YJU2B: variants seen among roughly 807,000 people sequenced by gnomAD.
YJU2B encodes YJU2 splicing factor homolog B.
A neutral mutation model predicts 38.0 loss-of-function variants in YJU2B; 18 were observed. The ratio of observed to expected loss-of-function variants is 0.47; its 90% CI spans 0.33 to 0.70. The LOEUF is 0.70. Ranked by LOEUF, YJU2B falls within the 30% of genes least tolerant of loss-of-function variation. YJU2B has a pLI of 0.02. For synonymous variants in YJU2B, 246 were observed against 225.4 expected (o/e 1.09, Z -0.82); for missense variants, 538 against 556.3 (o/e 0.97, Z 0.33).
Position 13,759,219 on chromosome 19 carries a change from A to G in YJU2B, c.520A>G (p.Ser174Gly), listed in dbSNP as rs754452124. ...PTLSHIQEAQSAWKDDFALNS... is the reference protein window; with the variant it reads ...PTLSHIQEAQGAWKDDFALNS... ...ACTGAGCCACATCCAGGAGGCCCAG[A>G]GCGCCTGGAAGGACGACTTCGCCCT... Residue 174 changes from serine (S) to glycine (G), a missense_variant, in exon 8 of 10, where the codon AGC becomes GGC. Coordinates refer to ENST00000221554, the MANE Select transcript of YJU2B (RefSeq NM_030818.4). The G allele has an allele frequency of 1.9e-6, 3 of 1,613,344 alleles. No individual in the cohort carries two copies. The highest frequency in any genetic ancestry group is 2.5e-6 in the Non-Finnish European group (3 of 1,179,760).
Position 13,751,723 on chromosome 19 carries a change from C to A in YJU2B, c.-86C>A. 4 of 1,450,404 alleles carry A rather than the reference C, an allele frequency of 2.8e-6. No individual in the cohort carries two copies. The highest frequency in any genetic ancestry group is 3.9e-6 in the Non-Finnish European group (4 of 1,033,524). 89.8% of individuals were successfully genotyped at this position (1,450,404 alleles called of 1,614,324 possible). A position where few individuals can be genotyped will look rare whatever the true frequency, so the allele number is the denominator to read the frequency against. ...CCTGTGGACCCTCTGCCAGGCTCCA[C>A]AAGAGGTCAGGACAGTGCAGTGTGT... On this transcript the variant is annotated 5_prime_UTR_variant, in exon 2 of 10. Transcript: ENST00000221554.
chr19:13,736,261 T>G (rs1393449544), intron 2 of YJU2B, among the ~76,000 whole-genome samples: 1,454 of 138,982 alleles, frequency 0.01, 29 homozygotes, highest in African/African-American at 0.037. Flanking sequence ...TTTCTTTTTT[T>G]TTTTTTTTTT....
intron 4 of YJU2B, 101 bp from the exon 5 acceptor site, chr19:13,757,317 C>A: frequency 1.1e-6 from 1 of 897,850 alleles, no homozygotes; most frequent in Non-Finnish European, 1.8e-6. Flanking sequence ...CAGTCTAATA[C>A]CCCACCCCTC....
Position 13,733,355 on chromosome 19 carries a change from C to G in YJU2B, c.-202+1070C>G, listed in dbSNP as rs547911351. Reference sequence around the variant, plus strand: ...CCTTGGCACTACTGGCATTCGGGGCCGGATCATTCTTTGTAGTGCAAAGGC... The same window carrying G: ...CCTTGGCACTACTGGCATTCGGGGCGGGATCATTCTTTGTAGTGCAAAGGC... On this transcript the variant is annotated intron_variant, in intron 2 of 10. Transcript: ENST00000586600. Among the ~76,000 whole-genome samples, 6 of 152,172 alleles carry G rather than the reference C, an allele frequency of 3.9e-5. No individual in the cohort carries two copies. In the East Asian group the frequency reaches 1.2e-3, roughly 29 times the overall value.
chr19:13,751,964 G>A (rs759523898), intron 2 of YJU2B, among the ~76,000 whole-genome samples, 153 bp downstream of exon 2: 14 of 152,188 alleles, frequency 9.2e-5, no homozygotes, highest in Admixed American at 6.6e-4. Flanking sequence ...GTGGCTTTGC[G>A]CTAACATCAC....
chr19:13,763,049 C>CCGACT lies in YJU2B; in HGVS notation c.1175_1179dup (p.Glu394ThrfsTer17), dbSNP rs767015262. 6 of 1,563,186 alleles carry CCGACT rather than the reference C, an allele frequency of 3.8e-6. No homozygotes were observed. Among genetic ancestry groups the CCGACT allele is most frequent in the Non-Finnish European group, 5.2e-6 (6 of 1,153,750 alleles). Reference sequence around the variant, plus strand: ...GGCTCCTCCCTCGTGGCGGACTACTCCGACTCGGAGAGTGAGTGAGCGATC... The same window carrying CCGACT: ...GGCTCCTCCCTCGTGGCGGACTACTCCGACTCGACTCGGAGAGTGAGTGAGCGATC... On this transcript the variant is annotated frameshift_variant, in exon 10 of 10. Coordinates refer to ENST00000221554, the MANE Select transcript of YJU2B (RefSeq NM_030818.4). LOFTEE classifies it high-confidence loss of function.
At chr19:13,742,029 C>G (rs572251) in intron 2 of YJU2B, among the ~76,000 whole-genome samples, 99,692 of 152,084 alleles carry the variant, frequency 0.66, 33,667 homozygotes, top group African/African-American at 0.82. Context: ...CTACTCCTCT[C>G]TGTGCAGCTT....
At chr19:13,744,629 C>G (rs1332352709), upstream of YJU2B, among the ~76,000 whole-genome samples, 1 of 152,126 alleles carries the variant, frequency 6.6e-6, no homozygotes, top group Non-Finnish European at 1.5e-5. Flanking sequence ...AAGGGGATCC[C>G]TGCTCTGTCT....
At position 13,754,462 on chromosome 19, in the gene YJU2B, T is replaced by TTC. The variant is rs1568290524; in HGVS notation, c.57+120_57+121insTC. ...CCCCAAGGTCTTTTTGTCTTCTGCA[T>TTC]GTCACCTGAGTCTCGAGGCTGTCTT... On this transcript the variant is annotated intron_variant, in intron 3 of 9. Coordinates refer to ENST00000221554, the MANE Select transcript of YJU2B (RefSeq NM_030818.4). 8 of 803,492 alleles carry TTC rather than the reference T, an allele frequency of 1.0e-5. No individual in the cohort carries two copies. The African/African-American group carries it at 1.4e-4, about 14-fold the overall frequency. 49.8% of individuals were successfully genotyped at this position (803,492 alleles called of 1,614,324 possible).
upstream of YJU2B, among the ~76,000 whole-genome samples, chr19:13,746,630 G>T (rs569309486): frequency 6.6e-6 from 1 of 152,300 alleles, no homozygotes; most frequent in East Asian, 1.9e-4. Flanking sequence ...AGAGAGGCTG[G>T]GCCCAGTGGC....
At position 13,757,759 on chromosome 19, in the gene YJU2B, T is replaced by C. The variant is rs189748947; in HGVS notation, c.197-27T>C. Reference sequence around the variant, plus strand: ...TGCAAAATTCAGATGGCAATGAAATTACCACCCCCGCCTGACCCCCTTCCA... The same window carrying C: ...TGCAAAATTCAGATGGCAATGAAATCACCACCCCCGCCTGACCCCCTTCCA... On this transcript the variant is annotated intron_variant, in intron 5 of 9. Coordinates refer to ENST00000221554, the MANE Select transcript of YJU2B (RefSeq NM_030818.4). The C allele has an allele frequency of 7.0e-5, 113 of 1,612,818 alleles. No individual in the cohort carries two copies. In the East Asian group the frequency reaches 2.3e-3, roughly 33 times the overall value.
intron 2 of YJU2B, 70 bp downstream of exon 2, chr19:13,751,881 C>T (rs576486966): frequency 2.8e-6 from 4 of 1,444,044 alleles, no homozygotes; most frequent in Admixed American, 1.7e-5. Flanking sequence ...GCAGCCCCTC[C>T]TCCCCTCCCA....
At chr19:13,759,462 G>A in intron 8 of YJU2B, 190 bp downstream of exon 8, 1 of 547,454 alleles carries the variant, frequency 1.8e-6, no homozygotes, top group South Asian at 2.6e-5. Flanking sequence ...AAATACCATA[G>A]ACAGAAACAG....
Position 13,762,431 on chromosome 19 carries a change from C to G in YJU2B, c.706C>G (p.Leu236Val). ...KLAALLKFHT[L>V]DSYEDKQKLK... ...GGCGGCTCTGCTGAAGTTCCACACC[C>G]TGGACTGTGCGTAGGAGGCCAGGGG... is the stretch of plus-strand genomic sequence containing the variant. The change falls in exon 9 of 10, where the codon CTG becomes GTG. Residue 236 changes from leucine to valine, a missense_variant. This residue lies in a region of YJU2B where 488 missense variants were observed against 469.5 expected (regional missense o/e 1.04). Coordinates refer to ENST00000221554, the MANE Select transcript of YJU2B (RefSeq NM_030818.4). 6.2e-7 allele frequency: 1 copy of G among 1,612,672 alleles called. No homozygotes were observed. Among genetic ancestry groups the G allele is most frequent in the Non-Finnish European group, 8.5e-7 (1 of 1,179,884 alleles).
upstream of YJU2B, among the ~76,000 whole-genome samples, chr19:13,745,686 G>GATAGATAGATAGAT (rs1555699815): frequency 5.3e-4 from 51 of 96,266 alleles, no homozygotes; most frequent in South Asian, 3.5e-3. Context: ...TAGATAGATA[G>GATAGATAGATAGAT]ATAGATATAG....
Position 13,762,457 on chromosome 19 carries a change from G to GA in YJU2B, c.712+24dup, listed in dbSNP as rs779847981. On this transcript the variant is annotated intron_variant, in intron 9 of 9. Coordinates refer to ENST00000221554, the MANE Select transcript of YJU2B (RefSeq NM_030818.4). The stretch of plus-strand genomic sequence containing the variant: ...TGGACTGTGCGTAGGAGGCCAGGGG[G>GA]AAAAGGGGACAGGGAGGCTCAGAGT... 47 of 1,609,504 alleles carry GA rather than the reference G, an allele frequency of 2.9e-5. No individual in the cohort carries two copies. The East Asian group carries it at 1.0e-3, about 34-fold the overall frequency.
chr19:13,744,289 A>G (rs1973174050), upstream of YJU2B, among the ~76,000 whole-genome samples: 1 of 152,202 alleles, frequency 6.6e-6, no homozygotes, highest in African/African-American at 2.4e-5. Flanking sequence ...AAACATGTCA[A>G]CTGGTTAGGG....
intron 2 of YJU2B, among the ~76,000 whole-genome samples, chr19:13,741,902 A>C (rs1329440690): frequency 1.3e-5 from 2 of 152,220 alleles, no homozygotes; most frequent in African/African-American, 4.8e-5. Context: ...CTTCCAAAAG[A>C]AATGCAGTTG....
chr19:13,734,864 C>T (rs910422917), intron 2 of YJU2B, among the ~76,000 whole-genome samples: 2 of 152,236 alleles, frequency 1.3e-5, no homozygotes, highest in Non-Finnish European at 2.9e-5. Flanking sequence ...CCACCTCAGC[C>T]TCCCAAAGTG....
Sources: gnomAD v4.1 joint callset for allele counts (sites outside exome capture counted in the v4.1 genomes callset) on GRCh38, gnomAD v4.1.1 for gene constraint, gnomAD v4.1.1 regional missense constraint, MANE v1.5 for transcripts, NCBI Gene and HGNC (gene_info 2026-07-23, HGNC 2026-07-21) for gene names.